GRIN2A: variants seen among roughly 807,000 people sequenced by gnomAD.
GRIN2A encodes the protein glutamate receptor ionotropic, NMDA 2A.
GRIN2A carries 22 observed loss-of-function variants against 113.4 expected under a neutral mutation model. That is an observed-to-expected ratio of 0.19 (90% CI 0.14 to 0.28). The LOEUF is 0.28. Ranked by LOEUF, GRIN2A falls within the 10% of genes least tolerant of loss-of-function variation. GRIN2A has a pLI of 1.00. For synonymous variants in GRIN2A, 827 were observed against 738.4 expected, an observed-to-expected ratio of 1.12 and a Z score of -1.94; for missense variants, 1,502 against 1,887.0, an observed-to-expected ratio of 0.80 and a Z score of 3.78.
intron 2 of GRIN2A, among the ~76,000 whole-genome samples, chr16:10,091,347 A>G (rs1196775763): frequency 2.6e-5 from 4 of 152,130 alleles, no homozygotes; most frequent in Non-Finnish European, 5.9e-5. Flanking sequence ...AGTGGATCAC[A>G]TCTATAACTT....
At chr16:9,837,213 G>A (rs1421044395) in intron 7 of GRIN2A, among the ~76,000 whole-genome samples, 3 of 152,172 alleles carry the variant, frequency 2.0e-5, no homozygotes, top group Non-Finnish European at 4.4e-5. Context: ...GGGGTGCACA[G>A]TCAATCAAAT....
At chr16:9,830,999 A>C (rs2042482283) in intron 8 of GRIN2A, among the ~76,000 whole-genome samples, 1 of 152,162 alleles carries the variant, frequency 6.6e-6, no homozygotes, top group Admixed American at 6.5e-5. Flanking sequence ...GGATCGGTCC[A>C]AGACTTCTAG....
intron 2 of GRIN2A, among the ~76,000 whole-genome samples, chr16:10,168,497 C>T (rs2049969224): frequency 6.6e-6 from 1 of 152,102 alleles, no homozygotes; most frequent in South Asian, 2.1e-4. Context: ...TCAGAGGTGA[C>T]CCAACCCAAC....
chr16:10,024,870 C>T (rs1035280550), intron 2 of GRIN2A, among the ~76,000 whole-genome samples: 1 of 152,156 alleles, frequency 6.6e-6, no homozygotes, highest in Non-Finnish European at 1.5e-5. Context: ...ATTTGGTTGG[C>T]TGGCTGCTCA....
chr16:9,945,182 A>G (rs1188678911), intron 2 of GRIN2A, among the ~76,000 whole-genome samples: 2 of 152,192 alleles, frequency 1.3e-5, no homozygotes, highest in East Asian at 3.9e-4. Flanking sequence ...GAATAAAACA[A>G]AATAGAATAA....
At chr16:10,153,856 C>G (rs2142301991) in intron 2 of GRIN2A, among the ~76,000 whole-genome samples, 1 of 152,306 alleles carries the variant, frequency 6.6e-6, no homozygotes, top group East Asian at 1.9e-4. Context: ...ACTGCCTGGT[C>G]ACCTACTTCA....
intron 2 of GRIN2A, among the ~76,000 whole-genome samples, chr16:10,093,675 A>T (rs1182511630): frequency 6.6e-6 from 1 of 152,156 alleles, no homozygotes; most frequent in Non-Finnish European, 1.5e-5. Flanking sequence ...AACTGGCCCA[A>T]TTCTTCATCT....
At chr16:10,160,339 A>G (rs1447113493) in intron 2 of GRIN2A, among the ~76,000 whole-genome samples, 1 of 152,224 alleles carries the variant, frequency 6.6e-6, no homozygotes, top group African/African-American at 2.4e-5. Flanking sequence ...AGCACACAGC[A>G]CAAGTGGGCG....
chr16:9,956,204 C>A (rs1439536387), intron 2 of GRIN2A, among the ~76,000 whole-genome samples: 3 of 152,210 alleles, frequency 2.0e-5, no homozygotes, highest in Non-Finnish European at 2.9e-5. Flanking sequence ...AATCCACTGT[C>A]CTGTGGGCTT....
chr16:9,998,357 G>A (rs899289439), intron 2 of GRIN2A, among the ~76,000 whole-genome samples: 51 of 152,336 alleles, frequency 3.3e-4, no homozygotes, highest in Middle Eastern at 6.8e-3. Context: ...CATAGAGACA[G>A]AAATTAGATT....
intron 2 of GRIN2A, among the ~76,000 whole-genome samples, chr16:10,006,759 T>G (rs1368525201): frequency 6.6e-6 from 1 of 152,132 alleles, no homozygotes; most frequent in Non-Finnish European, 1.5e-5. Flanking sequence ...CCATTAACCC[T>G]CCCTATTTCC....
At chr16:9,934,633 T>C (rs9939310) in intron 3 of GRIN2A, among the ~76,000 whole-genome samples, 1,692 of 133,428 alleles carry the variant, frequency 0.013, 38 homozygotes, top group African/African-American at 0.047. Flanking sequence ...TGAGCCGAGA[T>C]TGTGCCACAG....
chr16:9,970,486 A>G (rs1480404073), intron 2 of GRIN2A, among the ~76,000 whole-genome samples: 6 of 152,200 alleles, frequency 3.9e-5, no homozygotes, highest in South Asian at 2.1e-4. Context: ...TGAGATATGG[A>G]GATAAAGATA....
chr16:9,799,145 T>G (rs891076626), intron 10 of GRIN2A, among the ~76,000 whole-genome samples: 5 of 152,218 alleles, frequency 3.3e-5, no homozygotes, highest in Admixed American at 2.6e-4. Context: ...TGAGGCTTTG[T>G]AGGACATACC....
At chr16:9,882,033 A>G (rs888135477) in intron 4 of GRIN2A, among the ~76,000 whole-genome samples, 4 of 151,822 alleles carry the variant, frequency 2.6e-5, no homozygotes, top group Non-Finnish European at 5.9e-5. Context: ...AAGACTACTG[A>G]TATCTCATAC....
At chr16:10,157,226 A>G (rs2049716504) in intron 2 of GRIN2A, among the ~76,000 whole-genome samples, 1 of 152,170 alleles carries the variant, frequency 6.6e-6, no homozygotes, top group South Asian at 2.1e-4. Context: ...GAAGAATGGA[A>G]AACACCAGAG....
intron 10 of GRIN2A, among the ~76,000 whole-genome samples, chr16:9,815,531 G>T (rs1040039268): frequency 6.6e-6 from 1 of 151,586 alleles, no homozygotes; most frequent in Non-Finnish European, 1.5e-5. Context: ...AAAAGCGCTC[G>T]ATACCACTAA....
chr16:10,160,770 C>G (rs1360618390), intron 2 of GRIN2A, among the ~76,000 whole-genome samples: 1 of 152,220 alleles, frequency 6.6e-6, no homozygotes, highest in Non-Finnish European at 1.5e-5. Context: ...GAACAGAAAG[C>G]TCACTGTTAA....
chr16:9,816,436 T>C (rs2042186954), intron 10 of GRIN2A, among the ~76,000 whole-genome samples: 1 of 152,168 alleles, frequency 6.6e-6, no homozygotes, highest in South Asian at 2.1e-4. Flanking sequence ...AACTGAGGCT[T>C]CTAAGGAAAT....
Sources: allele counts gnomAD v4.1 joint callset (sites outside exome capture counted in the v4.1 genomes callset), GRCh38; gene constraint gnomAD v4.1.1; transcripts MANE v1.5; gene names NCBI Gene and HGNC (gene_info 2026-07-23, HGNC 2026-07-21).